The following DEPDC5 variants were observed in gnomAD, a reference collection of about 807,000 sequenced individuals.
The protein encoded by DEPDC5 is GATOR1 complex protein DEPDC5.
DEPDC5 carries 73 observed loss-of-function variants against 217.3 expected under a neutral mutation model. The ratio of observed to expected loss-of-function variants is 0.34; its 90% confidence interval spans 0.28 to 0.41. The LOEUF (loss-of-function observed/expected upper bound fraction) is 0.41. DEPDC5 is among the 10% of genes least tolerant of loss of function. The pLI is 1.00. For synonymous variants in DEPDC5, 733 were observed against 756.7 expected (o/e 0.97, Z 0.51); for missense variants, 1,675 against 2,070.1 (o/e 0.81, Z 3.70).
In DEPDC5 at chr22:31,803,986, A is replaced by G. The variant is rs898792907; in HGVS notation, c.1082-176A>G. 6.5e-6 allele frequency: 4 copies of G among 614,390 alleles called. No individual in the cohort carries two copies. In the African/African-American group the frequency reaches 7.4e-5, roughly 11 times the overall value. The allele number at this position is 614,390 out of a possible 1,614,324, so 38.1% of individuals were successfully genotyped here. On this transcript the variant is annotated intron_variant, in intron 15 of 42. Coordinates refer to ENST00000651528, the MANE Select transcript of DEPDC5 (RefSeq NM_001242896.3). ...TAGTAGGGCACTTGGAAAAGAGGAA[A>G]CAGACAAAATGAATGTATTTACTTC...
chr22:31,828,641 T>C (rs2090350937), intron 24 of DEPDC5, among the ~76,000 whole-genome samples: 2 of 152,274 alleles, frequency 1.3e-5, no homozygotes, highest in African/African-American at 4.8e-5. Flanking sequence ...GTAGTCTTTT[T>C]CTCCTTGCTT....
At chr22:31,754,008 A>G (rs2075101567), upstream of DEPDC5, 1 of 151,588 alleles carries the variant, frequency 6.6e-6, no homozygotes, top group Non-Finnish European at 1.5e-5. Flanking sequence ...TGAGCGCTAC[A>G]CGGTCGGGGC....
In DEPDC5 at chr22:31,843,718, T is replaced by C. The variant is rs2091538666; in HGVS notation, c.2707T>C (p.Ser903Pro). 6.2e-7 allele frequency: 1 copy of C among 1,613,980 alleles called. No individual in the cohort carries two copies. ...TTCCCACTCAGACTCAGAGTTCGTC[T>C]CCTGCTGGGTGGAATTCTCCCACGA... ...CPSHSDSEFV[S>P]CWVEFSHERL... The change falls in exon 29 of 43, where the codon TCC becomes CCC. Residue 903 changes from serine (S) to proline (P), a missense_variant. Ser to Pro is a moderately conservative substitution (Grantham distance 74, BLOSUM62 -1). Around this residue, in one of 11 missense-constraint regions of DEPDC5, gnomAD observed 293 missense variants for 386.1 expected, o/e 0.76. Coordinates refer to ENST00000651528, the MANE Select transcript of DEPDC5 (RefSeq NM_001242896.3).
intron 10 of DEPDC5, among the ~76,000 whole-genome samples, chr22:31,789,296 T>C (rs184722334): frequency 3.3e-5 from 5 of 152,392 alleles, no homozygotes; most frequent in African/African-American, 1.2e-4. Flanking sequence ...TGTAGTATTA[T>C]TCTGCTATAA....
At chr22:31,770,071 G>GAAA (rs759866602) in intron 7 of DEPDC5, among the ~76,000 whole-genome samples, 4 of 106,552 alleles carry the variant, frequency 3.8e-5, no homozygotes, top group Admixed American at 1.0e-4. Flanking sequence ...AAAAAAAAGA[G>GAAA]AAAAAAAAAA....
rs971993042 is a variant in DEPDC5, at chr22:31,861,405, G to A, written c.3302G>A (p.Arg1101His). ...AFFMEFVRSP[R>H]TASSAFYPQV... The stretch of plus-strand genomic sequence containing the variant: ...TTTATGGAGTTTGTCCGCAGCCCAC[G>A]CACAGCATCGTCCGCCTTCTACCCT... The change falls in exon 33 of 43, where the codon CGC becomes CAC. Residue 1101 changes from arginine (R) to histidine (H), a missense_variant. Coordinates refer to ENST00000651528, the MANE Select transcript of DEPDC5 (RefSeq NM_001242896.3). The A allele has an allele frequency of 3.2e-5, 49 of 1,551,288 alleles. No homozygotes were observed. The highest frequency in any genetic ancestry group is 3.0e-5 in the Non-Finnish European group (34 of 1,146,936).
chr22:31,812,559 G>T (rs1319405990), intron 20 of DEPDC5, among the ~76,000 whole-genome samples: 1 of 149,944 alleles, frequency 6.7e-6, no homozygotes, highest in African/African-American at 2.4e-5. Context: ...CGAGTAGCTG[G>T]GACTACAGGC....
At chr22:31,864,707 G>T (rs1356738068) in intron 33 of DEPDC5, among the ~76,000 whole-genome samples, 1 of 151,048 alleles carries the variant, frequency 6.6e-6, no homozygotes, top group Non-Finnish European at 1.5e-5. Flanking sequence ...ACTTTTTTTT[G>T]AGATGGAGTC....
chr22:31,811,833 A>G (rs572334736), intron 20 of DEPDC5, among the ~76,000 whole-genome samples: 14 of 152,114 alleles, frequency 9.2e-5, no homozygotes, highest in Admixed American at 3.3e-4. Context: ...GGCATGAGCC[A>G]CTGCACTCAG....
chr22:31,777,947 C>A (rs1239005604), intron 7 of DEPDC5, 152 bp from the exon 8 acceptor site: 2 of 734,728 alleles, frequency 2.7e-6, no homozygotes, highest in African/African-American at 3.6e-5. Context: ...GGGGTTTCAC[C>A]ATGTTGTCCA....
At chr22:31,882,661 T>C (rs2093207495) in intron 38 of DEPDC5, among the ~76,000 whole-genome samples, 1 of 152,246 alleles carries the variant, frequency 6.6e-6, no homozygotes, top group South Asian at 2.1e-4. Flanking sequence ...ATAACACATT[T>C]TAGCAAAATG....
chr22:31,783,971 A>G lies in DEPDC5; in HGVS notation c.548A>G (p.Asp183Gly). 6.2e-7 allele frequency: 1 copy of G among 1,613,424 alleles called. No individual in the cohort carries two copies. The highest frequency in any genetic ancestry group is 8.5e-7 in the Non-Finnish European group (1 of 1,179,688). The change falls in exon 9 of 43, where the codon GAT becomes GGT. Residue 183 changes from aspartate to glycine, a missense_variant. Physicochemically the swap from Asp to Gly is moderately conservative, Grantham distance 94 (BLOSUM62 -1). Coordinates refer to ENST00000651528, the MANE Select transcript of DEPDC5 (RefSeq NM_001242896.3). ...ATTCAGATGAGCTGTGAAATGTGGG[A>G]TTTTGATATTTATGGTACTGTGTCT... Reference protein sequence around the residue: ...IFIQMSCEMWDFDIYGDLYFE... With the variant: ...IFIQMSCEMWGFDIYGDLYFE...
At chr22:31,879,459 G>A (rs1369615378) in intron 37 of DEPDC5, 66 bp from the exon 38 acceptor site, 2 of 1,444,660 alleles carry the variant, frequency 1.4e-6, no homozygotes, top group Admixed American at 1.8e-5. Flanking sequence ...TCAAGTTGTA[G>A]CATGCATCAT....
intron 10 of DEPDC5, among the ~76,000 whole-genome samples, chr22:31,789,718 G>T (rs1655890390): frequency 1.3e-5 from 2 of 151,756 alleles, no homozygotes; most frequent in Admixed American, 1.3e-4. Flanking sequence ...TAAAAGAGTA[G>T]AGTTTGGATT....
intron 20 of DEPDC5, chr22:31,813,980 A>T (rs1475380756): frequency 6.6e-6 from 1 of 152,034 alleles, no homozygotes; most frequent in African/African-American, 2.4e-5. Context: ...TAAAAATACG[A>T]AAAAAGTACC....
At chr22:31,760,067 T>TTTC (rs1398025791) in intron 3 of DEPDC5, among the ~76,000 whole-genome samples, 355 of 131,476 alleles carry the variant, frequency 2.7e-3, no homozygotes, top group African/African-American at 0.012. Context: ...AGTTTCTTTG[T>TTTC]TTCTTTTTTT....
Position 31,907,228 on chromosome 22 carries a change from G to A in DEPDC5, c.*731G>A, listed in dbSNP as rs961446054. On this transcript the variant is annotated 3_prime_UTR_variant, in exon 43 of 43. Coordinates refer to ENST00000651528, the MANE Select transcript of DEPDC5 (RefSeq NM_001242896.3). ...AGGATGGTTCCAGTGAGGACAGTGA[G>A]CAGGCAGTATAACTTACAAGGTAAC... 1 of 152,446 alleles carries A rather than the reference G, an allele frequency of 6.6e-6. No individual in the cohort carries two copies. The highest frequency in any genetic ancestry group is 1.5e-5 in the Non-Finnish European group (1 of 68,238). The allele number at this position is 152,446 out of a possible 1,614,324, so 9.4% of individuals were successfully genotyped here.
chr22:31,791,083 G>A (rs2085578039), intron 10 of DEPDC5, among the ~76,000 whole-genome samples: 1 of 152,050 alleles, frequency 6.6e-6, no homozygotes, highest in African/African-American at 2.4e-5. Flanking sequence ...AAAATTATCT[G>A]GGCCTGGTGA....
intron 36 of DEPDC5, chr22:31,875,933 A>G (rs1025114153): frequency 6.6e-6 from 3 of 457,574 alleles, no homozygotes; most frequent in Admixed American, 7.0e-5. Context: ...GCTCCCGGCC[A>G]TCTGAATTTC....
Sources: allele counts gnomAD v4.1 joint callset (sites outside exome capture counted in the v4.1 genomes callset), GRCh38; gene constraint gnomAD v4.1.1; regional missense constraint gnomAD v4.1.1; transcripts MANE v1.5; gene names NCBI Gene and HGNC (gene_info 2026-07-23, HGNC 2026-07-21).